DGCR2: variants seen among roughly 807,000 people sequenced by gnomAD.
DGCR2 encodes the protein integral membrane protein DGCR2/IDD.
DGCR2 carries 24 observed loss-of-function variants against 51.6 expected under a neutral mutation model. The observed-to-expected ratio is 0.47, with a 90% CI of 0.34 to 0.65. The LOEUF (loss-of-function observed/expected upper bound fraction) is 0.65. Among genes scored for constraint, DGCR2 ranks in the 30% least tolerant of loss-of-function variants. The pLI is 0.01. For synonymous variants in DGCR2, 340 were observed against 315.4 expected (o/e 1.08, Z -0.82); for missense variants, 765 against 772.1 (o/e 0.99, Z 0.11).
chr22:19,041,295 C>G lies in DGCR2; in HGVS notation c.1160-1G>C. The G allele has an allele frequency of 6.2e-7, 1 of 1,613,602 alleles. No homozygotes were observed. Among genetic ancestry groups the G allele is most frequent in the Non-Finnish European group, 8.5e-7 (1 of 1,179,808 alleles). On this transcript the variant is annotated splice_acceptor_variant, in intron 8 of 9. Transcript: ENST00000263196. LOFTEE classifies it high-confidence loss of function. ...CTGCGGCCGAGGTTGAAGTGGTGCA[C>G]TGGGCCATCAAAAGTGTGCAACGGG...
At chr22:19,056,469 T>G in intron 6 of DGCR2, 3 of 546,074 alleles carry the variant, frequency 5.5e-6, no homozygotes, top group Non-Finnish European at 1.0e-5. Context: ...CAGAAGCCTG[T>G]GATGGTGAAG....
intron 2 of DGCR2, among the ~76,000 whole-genome samples, chr22:19,082,611 G>A (rs1353623031): frequency 2.0e-5 from 3 of 151,890 alleles, no homozygotes; most frequent in Non-Finnish European, 2.9e-5. Flanking sequence ...TTAGACGAGC[G>A]TGGTGGCAGA....
intron 1 of DGCR2, among the ~76,000 whole-genome samples, chr22:19,100,860 T>C (rs1309071253): frequency 6.6e-6 from 1 of 152,186 alleles, no homozygotes; most frequent in Non-Finnish European, 1.5e-5. Flanking sequence ...ACCCCAGCAC[T>C]TTGGGAGGCC....
In DGCR2 at chr22:19,038,491, G is replaced by C; in HGVS notation, c.*374C>G. On this transcript the variant is annotated 3_prime_UTR_variant, in exon 10 of 10. Transcript: ENST00000263196. ...CAGACTGGGTCAGCAGGTCTCTCTG[G>C]ACAGCACACTGCACCAAGTAAGCCC... The C allele has an allele frequency of 4.2e-6, 1 of 240,104 alleles. No individual in the cohort carries two copies. The highest frequency in any genetic ancestry group is 8.2e-6 in the Non-Finnish European group (1 of 122,276). 14.9% of individuals were successfully genotyped at this position (240,104 alleles called of 1,614,324 possible). A position where few individuals can be genotyped will look rare whatever the true frequency, so the allele number is the denominator to read the frequency against.
chr22:19,053,336 G>C (rs146404189), intron 6 of DGCR2, among the ~76,000 whole-genome samples: 1 of 152,128 alleles, frequency 6.6e-6, no homozygotes, highest in Non-Finnish European at 1.5e-5. Flanking sequence ...ACTGCTAGGC[G>C]GGCTGCAAAA....
In DGCR2 at chr22:19,068,106, A is replaced by G; in HGVS notation, c.322T>C (p.Phe108Leu). Reference sequence around the variant, plus strand: ...GGGCAGGTCTGCAACTTACTGCTGAAGCGAACGGGCTGCGCCACGTTCACC... The same window carrying G: ...GGGCAGGTCTGCAACTTACTGCTGAGGCGAACGGGCTGCGCCACGTTCACC... The part of the protein sequence containing the change: ...HAVNVAQPVR[F>L]SSFLGKCPTG... Residue 108 changes from phenylalanine to leucine, a missense_variant, in exon 3 of 10, where the codon TTC becomes CTC. Around this residue, in one of 3 missense-constraint regions of DGCR2, gnomAD observed 370 missense variants for 325.5 expected, o/e 1.14. Transcript: ENST00000263196. The G allele has an allele frequency of 6.3e-7, 1 of 1,583,212 alleles. No individual in the cohort carries two copies.
chr22:19,065,297 A>G (rs1002430613), intron 3 of DGCR2: 19 of 550,186 alleles, frequency 3.5e-5, no homozygotes, highest in Middle Eastern at 4.8e-4. Flanking sequence ...TCCCATTTCT[A>G]TAAGATCTTT....
intron 2 of DGCR2, among the ~76,000 whole-genome samples, chr22:19,085,952 C>CA (rs1213904197): frequency 6.6e-6 from 1 of 152,056 alleles, no homozygotes; most frequent in Non-Finnish European, 1.5e-5. Context: ...CCCACAAACA[C>CA]AAAGAGTTTC....
chr22:19,114,465 A>G (rs712966), intron 1 of DGCR2, among the ~76,000 whole-genome samples: 48,473 of 152,052 alleles, frequency 0.32, 8,719 homozygotes, highest in African/African-American at 0.49. Flanking sequence ...ACCTCCAAGA[A>G]CTGCAGCAAA....
At chr22:19,094,314 G>C (rs190197170) in intron 1 of DGCR2, among the ~76,000 whole-genome samples, 1 of 152,312 alleles carries the variant, frequency 6.6e-6, no homozygotes, top group Non-Finnish European at 1.5e-5. Flanking sequence ...TGTAATCCCA[G>C]CTATTCAGGA....
At chr22:19,046,163 G>T (rs2082487379) in intron 7 of DGCR2, 1 of 152,178 alleles carries the variant, frequency 6.6e-6, no homozygotes, top group African/African-American at 2.4e-5. Context: ...CATGAACATG[G>T]TATCTTTCCT....
intron 1 of DGCR2, among the ~76,000 whole-genome samples, chr22:19,120,149 C>T (rs1410460726): frequency 6.6e-6 from 1 of 152,220 alleles, no homozygotes; most frequent in African/African-American, 2.4e-5. Context: ...GCCAGGAAGC[C>T]AGCTGCAGCT....
At chr22:19,117,935 A>G (rs2083390590) in intron 1 of DGCR2, among the ~76,000 whole-genome samples, 1 of 152,220 alleles carries the variant, frequency 6.6e-6, no homozygotes. Context: ...AAAGCACTCC[A>G]AACTCAGGAG....
chr22:19,059,985 C>T (rs983807586), intron 5 of DGCR2, among the ~76,000 whole-genome samples: 4 of 152,194 alleles, frequency 2.6e-5, no homozygotes, highest in African/African-American at 9.7e-5. Flanking sequence ...GCCACCTCCA[C>T]AGCCACAGAA....
intron 2 of DGCR2, among the ~76,000 whole-genome samples, chr22:19,079,820 C>A (rs1340786052): frequency 6.6e-6 from 1 of 152,248 alleles, no homozygotes; most frequent in African/African-American, 2.4e-5. Context: ...CTGCCTCAGG[C>A]CACTTTGCTG....
chr22:19,038,132 G>A lies in DGCR2; in HGVS notation c.*733C>T, dbSNP rs935605942. 1 of 152,466 alleles carries A rather than the reference G, an allele frequency of 6.6e-6. No individual in the cohort carries two copies. The highest frequency in any genetic ancestry group is 1.5e-5 in the Non-Finnish European group (1 of 68,218). 9.4% of individuals were successfully genotyped at this position (152,466 alleles called of 1,614,324 possible). On this transcript the variant is annotated 3_prime_UTR_variant, in exon 10 of 10. Coordinates refer to ENST00000263196, the MANE Select transcript of DGCR2 (RefSeq NM_005137.3). The stretch of plus-strand genomic sequence containing the variant: ...GGAGCCATGCACAGCAATGCTGGGA[G>A]AGGGACTGATGGGGTGGGGTCAGGC...
intron 2 of DGCR2, 37 bp from the exon 3 acceptor site, chr22:19,068,262 C>A: frequency 6.5e-7 from 1 of 1,546,518 alleles, no homozygotes. Flanking sequence ...TGAGTCCTGC[C>A]TGTGCAGTCG....
intron 5 of DGCR2, among the ~76,000 whole-genome samples, chr22:19,062,876 C>T (rs73158804): frequency 2.7e-5 from 4 of 149,622 alleles, no homozygotes; most frequent in Non-Finnish European, 3.0e-5. Flanking sequence ...CTTGTCCTCC[C>T]CTCCAGCCTG....
intron 1 of DGCR2, among the ~76,000 whole-genome samples, chr22:19,116,481 C>T (rs2083374610): frequency 6.6e-6 from 1 of 152,200 alleles, no homozygotes; most frequent in Non-Finnish European, 1.5e-5. Flanking sequence ...CATACCCAAG[C>T]CCATGCATCA....
Sources: gnomAD v4.1 joint callset for allele counts (sites outside exome capture counted in the v4.1 genomes callset) on GRCh38, gnomAD v4.1.1 for gene constraint, gnomAD v4.1.1 regional missense constraint, MANE v1.5 for transcripts, NCBI Gene and HGNC (gene_info 2026-07-23, HGNC 2026-07-21) for gene names.